The following GPM6B variants were observed in gnomAD, a reference collection of about 807,000 sequenced individuals.
The protein encoded by GPM6B is glycoprotein M6B, also known as neuronal membrane glycoprotein M6-b.
In GPM6B, 4 loss-of-function variants were observed where a neutral mutation model predicts 27.2. That is an observed-to-expected ratio of 0.15 (90% CI 0.07 to 0.34). The LOEUF (loss-of-function observed/expected upper bound fraction) is 0.34. Among genes scored for constraint, GPM6B ranks in the 10% least tolerant of loss-of-function variants. The probability of loss-of-function intolerance (pLI) is 1.00; values close to 1 mark genes in which losing one functional copy is unlikely to be tolerated. For missense variants in GPM6B, 183 were observed against 261.9 expected (o/e 0.70, Z 2.08); for synonymous variants, 124 against 103.1 (o/e 1.20, Z -1.23).
intron 1 of GPM6B, among the ~76,000 whole-genome samples, chrX:13,911,251 T>G: frequency 8.9e-6 from 1 of 112,249 alleles, no homozygotes; most frequent in Non-Finnish European, 1.9e-5. Flanking sequence ...AGTACTGATG[T>G]GTGCACTGAG....
chrX:13,858,772 T>C (rs1267918494), intron 1 of GPM6B, among the ~76,000 whole-genome samples: 1 of 111,979 alleles, frequency 8.9e-6, no homozygotes, highest in Non-Finnish European at 1.9e-5. Flanking sequence ...CTTTCTGACC[T>C]GCCCCAATAC....
chrX:13,870,629 C>T (rs1456986532), intron 1 of GPM6B, among the ~76,000 whole-genome samples: 1 of 112,591 alleles, frequency 8.9e-6, no homozygotes, highest in Admixed American at 9.4e-5. Context: ...CCTAACACTG[C>T]TTCAGGGAGA....
At chrX:13,782,063 T>A (rs2048525878) in intron 4 of GPM6B, among the ~76,000 whole-genome samples, 1 of 111,683 alleles carries the variant, frequency 9.0e-6, no homozygotes, top group African/African-American at 3.3e-5. Flanking sequence ...TGCATCTTCC[T>A]CACACCCTCC....
chrX:13,874,898 A>C (rs1471023632), intron 1 of GPM6B, among the ~76,000 whole-genome samples: 1 of 109,256 alleles, frequency 9.2e-6, no homozygotes, highest in Non-Finnish European at 1.9e-5. Context: ...TATTATTGTT[A>C]TTTTGAACCT....
chrX:13,837,629 G>C (rs756911977), intron 1 of GPM6B, among the ~76,000 whole-genome samples: 6 of 104,398 alleles, frequency 5.7e-5, no homozygotes. Flanking sequence ...AGAGTCTGAT[G>C]GGAAATGTGC....
chrX:13,835,849 T>A (rs890489009), intron 1 of GPM6B, among the ~76,000 whole-genome samples: 4 of 112,247 alleles, frequency 3.6e-5, no homozygotes, highest in Non-Finnish European at 5.6e-5. Context: ...AGAGTCTGCT[T>A]AACTCCCAAC....
At chrX:13,904,408 A>G (rs1242727075) in intron 1 of GPM6B, among the ~76,000 whole-genome samples, 1 of 111,971 alleles carries the variant, frequency 8.9e-6, no homozygotes, top group Admixed American at 9.5e-5. Context: ...GTTAGAGGTT[A>G]GTGACAATAC....
intron 1 of GPM6B, among the ~76,000 whole-genome samples, chrX:13,871,245 GCTAA>G (rs1274183407): frequency 1.7e-4 from 19 of 111,797 alleles, no homozygotes; most frequent in East Asian, 1.4e-3. Flanking sequence ...AATCCCAGTG[GCTAA>G]CTGACTTGTA....
intron 1 of GPM6B, among the ~76,000 whole-genome samples, chrX:13,933,774 T>C (rs1359647920): frequency 9.0e-6 from 1 of 111,062 alleles, no homozygotes; most frequent in Non-Finnish European, 1.9e-5. Context: ...TGCCCAGAGA[T>C]TGGTTCCCAA....
intron 7 of GPM6B, chrX:13,774,629 T>C (rs1318946558): frequency 8.4e-7 from 1 of 1,192,961 alleles, no homozygotes; most frequent in South Asian, 1.8e-5. Context: ...GATCAGCTGG[T>C]GGAAGAGAAC....
intron 1 of GPM6B, among the ~76,000 whole-genome samples, chrX:13,850,062 AAAT>A (rs1471635611): frequency 1.8e-5 from 2 of 111,892 alleles, no homozygotes; most frequent in African/African-American, 3.3e-5. Flanking sequence ...CTGTCTCAAA[AAAT>A]AATAAAATAT....
rs755963159 is a variant in GPM6B at position 13,852,815 on chromosome X, C to T, written c.-197-67007G>A. Among the ~76,000 whole-genome samples the T allele has an allele frequency of 3.8e-5, 4 of 104,992 alleles. No individual in the cohort carries two copies. The East Asian group carries it at 8.8e-4, about 23-fold the overall frequency. The allele number at this position is 104,992 out of a possible 115,157, so 91.2% of individuals were successfully genotyped here. A position where few individuals can be genotyped will look rare whatever the true frequency, so the allele number is the denominator to read the frequency against. Reference sequence around the variant, plus strand: ...TAAAGACTGGGTTTCACTCTGTCACCCAGGTTGGAGTGCAGTGGCATGACC... The same window carrying T: ...TAAAGACTGGGTTTCACTCTGTCACTCAGGTTGGAGTGCAGTGGCATGACC... On this transcript the variant is annotated intron_variant, in intron 1 of 6. Coordinates refer to the GPM6B transcript ENST00000398361.
intron 1 of GPM6B, among the ~76,000 whole-genome samples, chrX:13,841,405 T>C (rs1390496578): frequency 8.9e-6 from 1 of 112,137 alleles, no homozygotes; most frequent in Non-Finnish European, 1.9e-5. Flanking sequence ...TGGATGTCTG[T>C]ATGATGGTTG....
At chrX:13,774,408 C>G (rs2048367817) in intron 7 of GPM6B, 1 of 1,096,580 alleles carries the variant, frequency 9.1e-7, no homozygotes, top group African/African-American at 1.8e-5. Flanking sequence ...TATTAATCTA[C>G]CATGCAAGGT....
intron 5 of GPM6B, among the ~76,000 whole-genome samples, chrX:13,779,565 T>A (rs1347450425): frequency 8.9e-6 from 1 of 112,030 alleles, no homozygotes; most frequent in Non-Finnish European, 1.9e-5. Context: ...TAGTTTCATA[T>A]TAAGAAAAGC....
chrX:13,815,457 A>AT (rs1402815620), intron 1 of GPM6B, among the ~76,000 whole-genome samples: 72 of 105,432 alleles, frequency 6.8e-4, no homozygotes, highest in African/African-American at 1.2e-3. Flanking sequence ...ATTGATGAAG[A>AT]TTTTTTTTTT....
chrX:13,788,847 A>T (rs7064022), intron 2 of GPM6B, among the ~76,000 whole-genome samples: 1,209 of 110,623 alleles, frequency 0.011, 20 homozygotes, highest in African/African-American at 0.037. Flanking sequence ...TCTCTCAAGG[A>T]CTCTGTATAT....
chrX:13,835,195 G>C (rs768052799), intron 1 of GPM6B, among the ~76,000 whole-genome samples: 1 of 111,097 alleles, frequency 9.0e-6, no homozygotes, highest in Non-Finnish European at 1.9e-5. Context: ...TCTAGCCCGG[G>C]ACAACTATTA....
chrX:13,799,400 T>C (rs774785363), intron 2 of GPM6B, among the ~76,000 whole-genome samples: 1 of 87,427 alleles, frequency 1.1e-5, no homozygotes, highest in East Asian at 4.1e-4. Context: ...ATTATTATTA[T>C]TATTTTTTTT....
Sources: allele counts gnomAD v4.1 joint callset (sites outside exome capture counted in the v4.1 genomes callset), GRCh38; gene constraint gnomAD v4.1.1; transcripts MANE v1.5; gene names NCBI Gene and HGNC (gene_info 2026-07-23, HGNC 2026-07-21).